The following PARD3B variants were observed in gnomAD, a reference collection of about 807,000 sequenced individuals.
PARD3B encodes the protein par-3 family cell polarity regulator beta, also known as partitioning defective 3 homolog B.
PARD3B carries 103 observed loss-of-function variants against 130.2 expected under a neutral mutation model. The observed-to-expected ratio is 0.79, with a 90% confidence interval of 0.67 to 0.93. The LOEUF (loss-of-function observed/expected upper bound fraction) is 0.93, where lower values mean the gene tolerates loss of function less well. Ranked by LOEUF, PARD3B falls within the 40% of genes least tolerant of loss-of-function variation. The probability of loss-of-function intolerance (pLI) is 0.00; values close to 1 mark genes in which losing one functional copy is unlikely to be tolerated. For missense variants in PARD3B, 1,609 were observed against 1,499.2 expected (o/e 1.07, Z -1.21); for synonymous variants, 583 against 553.2 (o/e 1.05, Z -0.76).
chr2:205,125,525 G>T lies in PARD3B; in HGVS notation c.1306-84G>T. On this transcript the variant is annotated intron_variant, in intron 9 of 22. Transcript: ENST00000406610. This position sits in a 1 kb window ranked among gnomAD's most constrained non-coding sequence, Gnocchi z 4.0. ...CTTCCTCAAGTATGGGAGCCCATTT[G>T]CTTCTTGTTTTCAAAAACTATCTAG... 6.8e-7 allele frequency: 1 copy of T among 1,469,428 alleles called. No homozygotes were observed. The highest frequency in any genetic ancestry group is 9.2e-7 in the Non-Finnish European group (1 of 1,083,968). The allele number at this position is 1,469,428 out of a possible 1,614,324, so 91.0% of individuals were successfully genotyped here.
chr2:205,037,429 TG>T (rs550111091), intron 3 of PARD3B, among the ~76,000 whole-genome samples: 38 of 147,602 alleles, frequency 2.6e-4, no homozygotes, highest in African/African-American at 8.4e-4. Flanking sequence ...ATATATATAG[TG>T]GACTATATGC....
At chr2:205,130,695 T>G (rs1026508627) in intron 10 of PARD3B, among the ~76,000 whole-genome samples, 1 of 152,140 alleles carries the variant, frequency 6.6e-6, no homozygotes, top group Non-Finnish European at 1.5e-5. Context: ...CTTAAAAAAT[T>G]TCAAATGTAT....
chr2:205,165,068 T>C (rs1229372940), intron 11 of PARD3B, among the ~76,000 whole-genome samples: 4 of 152,088 alleles, frequency 2.6e-5, no homozygotes, highest in Admixed American at 6.6e-5. Context: ...TATGTTGAAA[T>C]GGCTTCCGAA....
At chr2:205,365,131 C>T (rs553285708) in intron 18 of PARD3B, among the ~76,000 whole-genome samples, 68 of 146,368 alleles carry the variant, frequency 4.6e-4, no homozygotes, top group African/African-American at 1.7e-3. Context: ...ACCTAAGAGG[C>T]GGAGGTTGCA....
In PARD3B at chr2:205,244,132, C is replaced by T. The variant is rs553544053; in HGVS notation, c.2141-1646C>T. 2.0e-5 allele frequency among the ~76,000 whole-genome samples: 3 copies of T among 152,082 alleles called. No homozygotes were observed. In the South Asian group the frequency reaches 6.2e-4, roughly 32 times the overall value. Reference sequence around the variant, plus strand: ...AATCACAGATATGTAGTGCTTTTATCTAGAAAATAAAGAAATAGCTTAGAA... The same window carrying T: ...AATCACAGATATGTAGTGCTTTTATTTAGAAAATAAAGAAATAGCTTAGAA... On this transcript the variant is annotated intron_variant, in intron 15 of 22. Coordinates refer to ENST00000406610, the MANE Select transcript of PARD3B (RefSeq NM_001302769.2). The surrounding 1 kb of genome is among the most constrained non-coding windows in gnomAD (Gnocchi z 4.7).
In PARD3B at chr2:204,956,246, G is replaced by A. The variant is rs567765945; in HGVS notation, c.223-8906G>A. On this transcript the variant is annotated intron_variant, in intron 2 of 22. Coordinates refer to ENST00000406610, the MANE Select transcript of PARD3B (RefSeq NM_001302769.2). ...GCTTTGGCTGAGAGATTGCCAAGGA[G>A]TATGTTTCTGAGACGATTCTATCTT... Among the ~76,000 whole-genome samples, 5 of 152,330 alleles carry A rather than the reference G, an allele frequency of 3.3e-5. No individual in the cohort carries two copies. The South Asian group carries it at 1.0e-3, about 32-fold the overall frequency.
chr2:204,646,323 T>G (rs2125161110), intron 1 of PARD3B, among the ~76,000 whole-genome samples: 1 of 152,192 alleles, frequency 6.6e-6, no homozygotes, highest in East Asian at 1.9e-4. Context: ...TTTTCTTTCC[T>G]ACCTAATGTA....
chr2:205,348,616 A>G (rs2043881091), intron 18 of PARD3B, among the ~76,000 whole-genome samples: 1 of 152,236 alleles, frequency 6.6e-6, no homozygotes, highest in Non-Finnish European at 1.5e-5. Context: ...TCGGTTTCCC[A>G]TTCACTGCAC....
At chr2:205,390,766 A>G (rs1384198696) in intron 18 of PARD3B, among the ~76,000 whole-genome samples, 2 of 152,160 alleles carry the variant, frequency 1.3e-5, no homozygotes, top group Non-Finnish European at 2.9e-5. Context: ...TTTGTTCTCC[A>G]TGCATAACAA....
At position 205,439,734 on chromosome 2, in the gene PARD3B, TTTC is replaced by T. The variant is rs200754094; in HGVS notation, c.2742-632_2742-630del. On this transcript the variant is annotated intron_variant, in intron 19 of 22. Transcript: ENST00000406610. ...TTCATCTCTGTCAGGAACCTATTAA[TTTC>T]TTCACTATTTTACTCTGTCCCTAGC... Among the ~76,000 whole-genome samples, 509 of 152,306 alleles carry T rather than the reference TTTC, an allele frequency of 3.3e-3. 2 individuals carry two copies. The highest frequency in any genetic ancestry group is 0.012 in the African/African-American group (492 of 41,556).
At chr2:204,929,366 C>T (rs139518000) in intron 2 of PARD3B, among the ~76,000 whole-genome samples, 13 of 152,226 alleles carry the variant, frequency 8.5e-5, no homozygotes, top group Non-Finnish European at 1.8e-4. Context: ...ATATTAGTAA[C>T]TTGAAGAATG....
chr2:205,329,612 A>G (rs749968889), intron 18 of PARD3B, among the ~76,000 whole-genome samples: 10 of 152,254 alleles, frequency 6.6e-5, no homozygotes, highest in Non-Finnish European at 1.3e-4. Context: ...AAGAAGCAAC[A>G]TGCGGTAGGC....
At chr2:204,786,441 C>A (rs890329337) in intron 2 of PARD3B, among the ~76,000 whole-genome samples, 2 of 151,936 alleles carry the variant, frequency 1.3e-5, no homozygotes, top group African/African-American at 2.4e-5. Context: ...TGCTTTTGGT[C>A]CTATGAATTA....
rs192596568 is a variant in PARD3B, at chr2:204,791,799, G to A, written c.222+105517G>A. Among the ~76,000 whole-genome samples the A allele has an allele frequency of 6.0e-4, 92 of 152,190 alleles. 1 individual carries two copies. Among genetic ancestry groups the A allele is most frequent in the African/African-American group, 2.0e-3 (84 of 41,524 alleles). On this transcript the variant is annotated intron_variant, in intron 2 of 22. Coordinates refer to ENST00000406610, the MANE Select transcript of PARD3B (RefSeq NM_001302769.2). ...GTCTACATACCTATTATTACATCCC[G>A]ATTATTGTAGTAGTAGAAACTGGAA...
intron 15 of PARD3B, among the ~76,000 whole-genome samples, chr2:205,225,092 TA>T: frequency 6.6e-6 from 1 of 152,182 alleles, no homozygotes; most frequent in East Asian, 1.9e-4. Flanking sequence ...CTCTTTGATA[TA>T]CTGATTTCCT....
chr2:205,473,807 G>T lies in PARD3B; in HGVS notation c.3045-26089G>T, dbSNP rs1320243284. On this transcript the variant is annotated intron_variant, in intron 20 of 22. Coordinates refer to ENST00000406610, the MANE Select transcript of PARD3B (RefSeq NM_001302769.2). The surrounding 1 kb of genome is among the most constrained non-coding windows in gnomAD (Gnocchi z 4.9). Reference sequence around the variant, plus strand: ...TTTTTAACTTGCAGTTCAACCTGTTGTCTTACGAAAGGGGAGATATTCTTT... The same window carrying T: ...TTTTTAACTTGCAGTTCAACCTGTTTTCTTACGAAAGGGGAGATATTCTTT... Among the ~76,000 whole-genome samples, 1 of 148,886 alleles carries T rather than the reference G, an allele frequency of 6.7e-6. No individual in the cohort carries two copies. Among genetic ancestry groups the T allele is most frequent in the Non-Finnish European group, 1.5e-5 (1 of 67,388 alleles).
At chr2:204,750,670 A>G (rs2040431358) in intron 2 of PARD3B, among the ~76,000 whole-genome samples, 1 of 152,094 alleles carries the variant, frequency 6.6e-6, no homozygotes, top group African/African-American at 2.4e-5. Context: ...GGAAATATTC[A>G]TGGTGTCATC....
At chr2:205,455,333 G>A (rs2048235113) in intron 20 of PARD3B, among the ~76,000 whole-genome samples, 1 of 152,006 alleles carries the variant, frequency 6.6e-6, no homozygotes, top group Non-Finnish European at 1.5e-5. Context: ...AGATTCCAAA[G>A]GACAGATTAC....
chr2:205,279,084 A>AAC (rs1559616058), intron 16 of PARD3B, among the ~76,000 whole-genome samples: 1 of 149,734 alleles, frequency 6.7e-6, no homozygotes, highest in African/African-American at 2.4e-5. Flanking sequence ...AAAAAAAAAA[A>AAC]AAAAAAAAAA....
Sources: gnomAD v4.1 joint callset for allele counts (sites outside exome capture counted in the v4.1 genomes callset) on GRCh38, gnomAD v4.1.1 for gene constraint, Gnocchi (gnomAD v3.1) non-coding constraint, MANE v1.5 for transcripts, NCBI Gene and HGNC (gene_info 2026-07-23, HGNC 2026-07-21) for gene names.